SHROOM2: variants seen among roughly 807,000 people sequenced by gnomAD.
SHROOM2 encodes shroom family member 2.
Under a neutral mutation model 75.9 loss-of-function variants are expected in SHROOM2, and 33 were observed. The ratio of observed to expected loss-of-function variants is 0.43; its 90% CI spans 0.33 to 0.58. The LOEUF (loss-of-function observed/expected upper bound fraction) is 0.58. Ranked by LOEUF, SHROOM2 falls within the 20% of genes least tolerant of loss-of-function variation. SHROOM2 has a pLI of 0.04. For missense variants in SHROOM2, 1,434 were observed against 1,461.2 expected, an observed-to-expected ratio of 0.98 and a Z score of 0.30; for synonymous variants, 655 against 663.6, an observed-to-expected ratio of 0.99 and a Z score of 0.20.
intron 1 of SHROOM2, among the ~76,000 whole-genome samples, chrX:9,800,126 C>T (rs2083716500): frequency 9.0e-6 from 1 of 111,197 alleles, no homozygotes; most frequent in Non-Finnish European, 1.9e-5. Flanking sequence ...TCACTGCCTC[C>T]AGTGGTTTGC....
chrX:9,942,142 C>G (rs5934722), intron 8 of SHROOM2, among the ~76,000 whole-genome samples: 14,779 of 110,264 alleles, frequency 0.13, 789 homozygotes, highest in East Asian at 0.27. Flanking sequence ...CAAGTGATGA[C>G]TATCTAAAAT....
At chrX:9,890,227 C>T (rs1354262447) in intron 2 of SHROOM2, among the ~76,000 whole-genome samples, 2 of 111,477 alleles carry the variant, frequency 1.8e-5, no homozygotes, top group African/African-American at 3.3e-5. Context: ...ATTAGCTGGG[C>T]GTGGTGGTGA....
intron 1 of SHROOM2, among the ~76,000 whole-genome samples, chrX:9,814,228 T>C (rs1458751251): frequency 9.0e-6 from 1 of 111,222 alleles, no homozygotes; most frequent in Admixed American, 9.6e-5. Context: ...TTTTAATCCA[T>C]AGTTCAGCTA....
intron 1 of SHROOM2, among the ~76,000 whole-genome samples, chrX:9,845,267 T>C: frequency 8.9e-6 from 1 of 112,569 alleles, no homozygotes; most frequent in East Asian, 2.8e-4. Flanking sequence ...TTTGCTTTGT[T>C]AGGGAGTCTG....
rs189009432 is a variant in SHROOM2 at position 9,918,568 on chromosome X, A to G, written c.2892-13607A>G. Among the ~76,000 whole-genome samples the G allele has an allele frequency of 8.0e-5, 9 of 111,828 alleles. 1 individual carries two copies. The highest frequency in any genetic ancestry group is 7.6e-4 in the Admixed American group (8 of 10,568). ...GCAATCACAGCTCACTGCAGCCTCA[A>G]ACTCCCAAACTCCTAGGCTCAAGCA... On this transcript the variant is annotated intron_variant, in intron 5 of 9. Coordinates refer to ENST00000380913, the MANE Select transcript of SHROOM2 (RefSeq NM_001649.4).
chrX:9,809,917 C>T (rs1010416778), intron 1 of SHROOM2, among the ~76,000 whole-genome samples: 12 of 112,481 alleles, frequency 1.1e-4, no homozygotes, highest in African/African-American at 3.9e-4. Context: ...CTCAAGTGAT[C>T]CACCTGCCTT....
At chrX:9,919,693 A>G (rs1269966594) in intron 5 of SHROOM2, among the ~76,000 whole-genome samples, 1 of 110,805 alleles carries the variant, frequency 9.0e-6, no homozygotes. Context: ...AAAAGTGCGA[A>G]TCAAAACAGA....
At chrX:9,906,411 A>G (rs1007386487) in intron 5 of SHROOM2, among the ~76,000 whole-genome samples, 3 of 112,322 alleles carry the variant, frequency 2.7e-5, no homozygotes, top group African/African-American at 9.7e-5. Context: ...GCGCTGTTTC[A>G]AAGGGCACAT....
chrX:9,807,875 C>G (rs755083275), intron 1 of SHROOM2, among the ~76,000 whole-genome samples: 1 of 111,535 alleles, frequency 9.0e-6, no homozygotes, highest in African/African-American at 3.3e-5. Flanking sequence ...TCTGAAGTCT[C>G]TTTTTAAGGT....
chrX:9,824,521 G>T (rs2083878324), intron 1 of SHROOM2, among the ~76,000 whole-genome samples: 1 of 112,149 alleles, frequency 8.9e-6, no homozygotes, highest in African/African-American at 3.2e-5. Flanking sequence ...AAGCTGGAAA[G>T]CATAAACCTA....
chrX:9,790,030 T>C (rs771063365), intron 1 of SHROOM2, among the ~76,000 whole-genome samples: 159 of 112,363 alleles, frequency 1.4e-3, no homozygotes, highest in Non-Finnish European at 2.4e-3. Flanking sequence ...TTTCTCTGGA[T>C]TGGAGACAGA....
At chrX:9,795,117 C>CTTTCT (rs141883410) in intron 1 of SHROOM2, among the ~76,000 whole-genome samples, 86 of 103,589 alleles carry the variant, frequency 8.3e-4, no homozygotes, top group Non-Finnish European at 1.2e-3. Context: ...TTCTTTCTTT[C>CTTTCT]TTTTTTTTTT....
At position 9,937,196 on chromosome X, in the gene SHROOM2, C is replaced by CGGAGAGCCAGCCAGAGAA. The variant is rs1462700767; in HGVS notation, c.3659_3676dup (p.Gln1220_Ser1225dup). 11 of 1,202,845 alleles carry CGGAGAGCCAGCCAGAGAA rather than the reference C, an allele frequency of 9.1e-6. No homozygotes were observed. Among genetic ancestry groups the CGGAGAGCCAGCCAGAGAA allele is most frequent in the Middle Eastern group, 4.6e-4 (2 of 4,362 alleles). On this transcript the variant is annotated inframe_insertion, in exon 7 of 10. Coordinates refer to ENST00000380913, the MANE Select transcript of SHROOM2 (RefSeq NM_001649.4). The stretch of plus-strand genomic sequence containing the variant: ...ATGGTGCCCATCAAGATCGTGCACT[C>CGGAGAGCCAGCCAGAGAA]GGAGAGCCAGCCAGAGAAGGAGAGC...
rs1309523586 is a variant in SHROOM2, at chrX:9,828,086, C to T, written c.165+41376C>T. ...TCACAGTTTCACTTGGCCGGGAAGGCCTCAGGAAACTTACGATCATGGTGG... is the reference window on the plus strand; with the variant it reads ...TCACAGTTTCACTTGGCCGGGAAGGTCTCAGGAAACTTACGATCATGGTGG... On this transcript the variant is annotated intron_variant, in intron 1 of 9. Coordinates refer to ENST00000380913, the MANE Select transcript of SHROOM2 (RefSeq NM_001649.4). Among the ~76,000 whole-genome samples the T allele has an allele frequency of 3.6e-5, 4 of 112,637 alleles. No individual in the cohort carries two copies. The East Asian group carries it at 1.1e-3, about 32-fold the overall frequency.
intron 5 of SHROOM2, among the ~76,000 whole-genome samples, chrX:9,909,686 A>G (rs1407110981): frequency 1.8e-5 from 2 of 112,481 alleles, no homozygotes; most frequent in East Asian, 5.5e-4. Context: ...ACAGTTCCCA[A>G]TTGAGAGACA....
In SHROOM2 at chrX:9,937,691, T is replaced by C; in HGVS notation, c.4139+6T>C. Reference sequence around the variant, plus strand: ...CCTAGAAGCACAGAGGAGAGGTGAGTAGGCGTGGCCTCCCAGCTTGGGCGT... The same window carrying C: ...CCTAGAAGCACAGAGGAGAGGTGAGCAGGCGTGGCCTCCCAGCTTGGGCGT... On this transcript the variant is annotated splice_donor_region_variant and intron_variant, in intron 7 of 9. Coordinates refer to ENST00000380913, the MANE Select transcript of SHROOM2 (RefSeq NM_001649.4). The C allele has an allele frequency of 1.7e-6, 2 of 1,160,429 alleles. No individual in the cohort carries two copies. The highest frequency in any genetic ancestry group is 4.1e-5 in the South Asian group (2 of 49,174).
At chrX:9,802,519 A>G (rs2083728881) in intron 1 of SHROOM2, among the ~76,000 whole-genome samples, 1 of 111,005 alleles carries the variant, frequency 9.0e-6, no homozygotes, top group Admixed American at 9.6e-5. Flanking sequence ...ACCCAGGCGA[A>G]GTGGCCCTAA....
chrX:9,848,464 A>T (rs1295042908), intron 1 of SHROOM2, among the ~76,000 whole-genome samples: 1 of 82,834 alleles, frequency 1.2e-5, no homozygotes, highest in Non-Finnish European at 2.3e-5. Context: ...AGATTGCGCC[A>T]CTGCAGTCCG....
intron 1 of SHROOM2, among the ~76,000 whole-genome samples, chrX:9,797,333 G>C (rs1049826174): frequency 8.9e-6 from 1 of 112,705 alleles, no homozygotes; most frequent in Non-Finnish European, 1.9e-5. Context: ...GGCTGCCCAT[G>C]CTATGGTCAC....
Sources: gnomAD v4.1 joint callset for allele counts (sites outside exome capture counted in the v4.1 genomes callset) on GRCh38, gnomAD v4.1.1 for gene constraint, MANE v1.5 for transcripts, NCBI Gene and HGNC (gene_info 2026-07-23, HGNC 2026-07-21) for gene names.